The following NF1 variants were observed in gnomAD, a reference collection of about 807,000 sequenced individuals.
NF1 encodes neurofibromin 1, also known as neurofibromin.
Under a neutral mutation model 325.7 loss-of-function variants are expected in NF1, and 122 were observed. That is an observed-to-expected ratio of 0.37 (90% CI 0.32 to 0.44). The LOEUF (loss-of-function observed/expected upper bound fraction) is 0.44. Among genes scored for constraint, NF1 ranks in the 20% least tolerant of loss-of-function variants. The pLI is 1.00. For missense variants in NF1, 2,140 were observed against 3,415.4 expected (o/e 0.63, Z 9.31); for synonymous variants, 1,091 against 1,186.0 (o/e 0.92, Z 1.65).
At chr17:31,240,227 C>G (rs1167659115) in intron 29 of NF1, among the ~76,000 whole-genome samples, 1 of 152,162 alleles carries the variant, frequency 6.6e-6, no homozygotes, top group Admixed American at 6.5e-5. Context: ...CTTCCCCACC[C>G]CCCACTACAC....
At chr17:31,186,007 CTG>C (rs2066231916) in intron 8 of NF1, among the ~76,000 whole-genome samples, 1 of 152,188 alleles carries the variant, frequency 6.6e-6, no homozygotes, top group South Asian at 2.1e-4. Context: ...GAATGTTTAA[CTG>C]TGGGTCTTCA....
At chr17:31,332,573 G>GTTTTTAAAAAAGAATATTT (rs566009086) in intron 39 of NF1, among the ~76,000 whole-genome samples, 2 of 91,902 alleles carry the variant, frequency 2.2e-5, no homozygotes, top group Non-Finnish European at 2.7e-5. Flanking sequence ...TACAGATCAT[G>GTTTTTAAAAAAGAATATTT]GTTTTTTTTT....
At chr17:31,208,175 T>G (rs2066657926) in intron 12 of NF1, among the ~76,000 whole-genome samples, 1 of 152,188 alleles carries the variant, frequency 6.6e-6, no homozygotes, top group Admixed American at 6.5e-5. Context: ...ACACCTGTAA[T>G]AAGAATTTAG....
chr17:31,149,457 G>A (rs2143582913), intron 1 of NF1, among the ~76,000 whole-genome samples: 1 of 151,986 alleles, frequency 6.6e-6, no homozygotes, highest in African/African-American at 2.4e-5. Context: ...CGCCACCATG[G>A]TCAACTAATT....
chr17:31,291,857 G>A (rs2068349589), intron 36 of NF1, among the ~76,000 whole-genome samples: 1 of 152,176 alleles, frequency 6.6e-6, no homozygotes, highest in Non-Finnish European at 1.5e-5. Flanking sequence ...AGAGACTAAA[G>A]CAAGCACATC....
intron 31 of NF1, chr17:31,254,015 G>C (rs1005925591): frequency 9.2e-5 from 14 of 151,918 alleles, no homozygotes; most frequent in African/African-American, 3.1e-4. Context: ...CCTGTAATCC[G>C]GGCACTTTGG....
intron 55 of NF1, 129 bp from the exon 56 acceptor site, chr17:31,358,840 C>G: frequency 9.3e-7 from 1 of 1,071,942 alleles, no homozygotes; most frequent in Non-Finnish European, 1.4e-6. Context: ...TGCTTTGACA[C>G]TCATTCTAAA....
At chr17:31,143,804 T>TTTTTC (rs928762577) in intron 1 of NF1, among the ~76,000 whole-genome samples, 1 of 151,890 alleles carries the variant, frequency 6.6e-6, no homozygotes, top group African/African-American at 2.4e-5. Flanking sequence ...CTTGTTCTTG[T>TTTTTC]TTTTCTTTTC....
intron 1 of NF1, among the ~76,000 whole-genome samples, chr17:31,145,070 G>T (rs1229360768): frequency 2.0e-5 from 3 of 152,102 alleles, no homozygotes; most frequent in African/African-American, 7.2e-5. Context: ...GTTCCCTTTG[G>T]GTTAACCACA....
chr17:31,299,768 A>G (rs1217369200), intron 36 of NF1, among the ~76,000 whole-genome samples: 1 of 152,116 alleles, frequency 6.6e-6, no homozygotes, highest in African/African-American at 2.4e-5. Flanking sequence ...CAAAATCCAA[A>G]TGAATCAGTT....
chr17:31,190,953 A>G (rs1017603744), intron 8 of NF1, among the ~76,000 whole-genome samples: 3 of 152,224 alleles, frequency 2.0e-5, no homozygotes, highest in African/African-American at 7.2e-5. Context: ...TGTGATGGAT[A>G]TGTTATTACC....
intron 1 of NF1, among the ~76,000 whole-genome samples, chr17:31,115,416 C>G (rs1433176616): frequency 2.0e-5 from 3 of 152,180 alleles, no homozygotes; most frequent in African/African-American, 7.2e-5. Context: ...GGAACCAAGG[C>G]CTCCAATCCA....
chr17:31,156,601 T>C (rs573147536), intron 2 of NF1, among the ~76,000 whole-genome samples: 4 of 152,236 alleles, frequency 2.6e-5, no homozygotes, highest in Admixed American at 2.0e-4. Flanking sequence ...TATGAAGATA[T>C]GTGTTTTTTC....
chr17:31,371,230 C>T (rs1376740824), intron 57 of NF1, among the ~76,000 whole-genome samples: 1 of 152,090 alleles, frequency 6.6e-6, no homozygotes, highest in Non-Finnish European at 1.5e-5. Context: ...TAATAATGAT[C>T]TTTACCCTTC....
chr17:31,171,830 A>T (rs1177667568), intron 5 of NF1, among the ~76,000 whole-genome samples: 1 of 152,234 alleles, frequency 6.6e-6, no homozygotes, highest in South Asian at 2.1e-4. Context: ...ATAAGAAGCC[A>T]TGCTAAGTGC....
intron 1 of NF1, among the ~76,000 whole-genome samples, chr17:31,112,659 A>G (rs866194365): frequency 6.6e-5 from 10 of 152,170 alleles, no homozygotes; most frequent in African/African-American, 2.2e-4. Flanking sequence ...AATTCATAAT[A>G]TATGCTGAAT....
rs1304130404 is a variant in NF1, at chr17:31,230,902, T to A, written c.3174T>A (p.Asp1058Glu). 6.2e-7 allele frequency: 1 copy of A among 1,611,026 alleles called. No individual in the cohort carries two copies. The highest frequency in any genetic ancestry group is 2.2e-5 in the East Asian group (1 of 44,744). ...TGGGAACATCAAACCAAGCAGCAGATGATGATGTAAAATGTCTTACAAGGT... is the reference window on the plus strand; with the variant it reads ...TGGGAACATCAAACCAAGCAGCAGAAGATGATGTAAAATGTCTTACAAGGT... ...WVMGTSNQAA[D>E]DDVKCLTRDL... Residue 1058 changes from aspartate (D) to glutamate (E), a missense_variant, in exon 24 of 58, where the codon GAT becomes GAA. Transcript: ENST00000358273.
chr17:31,333,674 T>C (rs1445636245), intron 39 of NF1, among the ~76,000 whole-genome samples: 3 of 152,184 alleles, frequency 2.0e-5, no homozygotes, highest in African/African-American at 2.4e-5. Flanking sequence ...CATTGAAAAA[T>C]GGCTTTGTTA....
intron 30 of NF1, 121 bp from the exon 31 acceptor site, chr17:31,252,817 T>C: frequency 1.3e-6 from 1 of 770,008 alleles, no homozygotes; most frequent in South Asian, 1.6e-5. Context: ...TGATTTCTAA[T>C]TTTTTGTTGA....
Sources: allele counts gnomAD v4.1 joint callset (sites outside exome capture counted in the v4.1 genomes callset), GRCh38; gene constraint gnomAD v4.1.1; transcripts MANE v1.5; gene names NCBI Gene and HGNC (gene_info 2026-07-23, HGNC 2026-07-21).